MED24: variants seen among roughly 807,000 people sequenced by gnomAD.
The protein encoded by MED24 is mediator complex subunit 24.
A neutral mutation model predicts 118.8 loss-of-function variants in MED24; 74 were observed. The ratio of observed to expected loss-of-function variants is 0.62; its 90% CI spans 0.52 to 0.76. The LOEUF (loss-of-function observed/expected upper bound fraction) is 0.76. Ranked by LOEUF, MED24 falls within the 30% of genes least tolerant of loss-of-function variation. The pLI is 0.00. For synonymous variants in MED24, 521 were observed against 523.9 expected (o/e 0.99, Z 0.08); for missense variants, 1,041 against 1,278.9 (o/e 0.81, Z 2.84).
chr17:40,025,272 G>A (rs1019460017), intron 19 of MED24, among the ~76,000 whole-genome samples: 10 of 152,142 alleles, frequency 6.6e-5, no homozygotes, highest in Non-Finnish European at 1.5e-4. Context: ...CTCAAGGCCA[G>A]GAGTTCAAGA....
intron 13 of MED24, 131 bp from the exon 14 acceptor site, chr17:40,029,099 T>C: frequency 7.6e-7 from 1 of 1,311,026 alleles, no homozygotes; most frequent in Non-Finnish European, 1.0e-6. Flanking sequence ...ATCTGGAAAA[T>C]CATTCCTAAA....
intron 23 of MED24, 48 bp downstream of exon 23, chr17:40,021,907 G>C (rs759526797): frequency 7.3e-6 from 10 of 1,373,046 alleles, no homozygotes; most frequent in Non-Finnish European, 9.1e-6. Context: ...GCATCGGGGA[G>C]TGAATTCCCA....
intron 3 of MED24, among the ~76,000 whole-genome samples, chr17:40,047,945 G>T (rs1985425792): frequency 6.6e-6 from 1 of 152,152 alleles, no homozygotes; most frequent in Non-Finnish European, 1.5e-5. Context: ...GGTCAGGCTG[G>T]TCTTGAACTT....
chr17:40,033,036 A>C lies in MED24; in HGVS notation c.822+20T>G, dbSNP rs200445521. The C allele has an allele frequency of 6.2e-7, 1 of 1,612,870 alleles. No homozygotes were observed. The highest frequency in any genetic ancestry group is 1.3e-5 in the African/African-American group (1 of 75,004). On this transcript the variant is annotated intron_variant, in intron 8 of 25. Transcript: ENST00000394128. This position sits in a 1 kb window ranked among gnomAD's most constrained non-coding sequence, Gnocchi z 5.2. ...GGCTGGCCTGCCTTGGAGAAGGGAG[A>C]GCCACTCGGCCCCTCCCACCTGCAT... is the stretch of plus-strand genomic sequence containing the variant.
chr17:40,021,426 C>G (rs991903087), intron 23 of MED24: 1 of 152,584 alleles, frequency 6.6e-6, no homozygotes, highest in African/African-American at 2.4e-5. Context: ...AAAAATGCCA[C>G]AGAAGGAACC....
At position 40,026,956 on chromosome 17, in the gene MED24, C is replaced by T; in HGVS notation, c.1609G>A (p.Gly537Ser). The T allele has an allele frequency of 6.2e-7, 1 of 1,614,142 alleles. No individual in the cohort carries two copies. Residue 537 changes from glycine to serine, a missense_variant, in exon 17 of 26, where the codon GGC becomes AGC. Physicochemically the swap from Gly to Ser is moderately conservative, Grantham distance 56. Coordinates refer to ENST00000394128, the MANE Select transcript of MED24 (RefSeq NM_014815.4). ...TWMQTCMPEEGKILNPDHPCF... is the reference protein window; with the variant it reads ...TWMQTCMPEESKILNPDHPCF... ...GGGTGGTCAGGGTTCAGGATCTTGC[C>T]CTCCTCAGGCATGCAGGTCTGCATC... is the stretch of plus-strand genomic sequence containing the variant.
At chr17:40,034,126 G>A (rs557432625) in intron 6 of MED24, among the ~76,000 whole-genome samples, 4 of 152,094 alleles carry the variant, frequency 2.6e-5, no homozygotes, top group African/African-American at 9.7e-5. Flanking sequence ...ATTCCAGAGG[G>A]TCAAATGATG....
chr17:40,022,115 G>A (rs911222340), intron 22 of MED24, 61 bp from the exon 23 acceptor site: 2 of 1,337,338 alleles, frequency 1.5e-6, no homozygotes, highest in Admixed American at 2.2e-5. Flanking sequence ...AGCTGTCAGG[G>A]AAAAGAGCTT....
chr17:40,050,222 G>GC (rs1985690718), intron 3 of MED24, among the ~76,000 whole-genome samples: 1 of 142,820 alleles, frequency 7.0e-6, no homozygotes. Context: ...GCCGAGGTGA[G>GC]CGGATCACCT....
chr17:40,022,870 G>T, intron 20 of MED24, 44 bp from the exon 21 acceptor site: 1 of 1,597,744 alleles, frequency 6.3e-7, no homozygotes. Flanking sequence ...AGGGGCCCGG[G>T]ATCTGGGGCT....
rs117311510 is a variant in MED24 at position 40,032,450 on chromosome 17, A to G, written c.936+199T>C. The G allele has an allele frequency of 3.1e-3, 1,818 of 582,640 alleles. 87 individuals carry two copies. In the East Asian group the frequency reaches 0.052, roughly 17 times the overall value. The allele number at this position is 582,640 out of a possible 1,614,324, so 36.1% of individuals were successfully genotyped here. A position where few individuals can be genotyped will look rare whatever the true frequency, so the allele number is the denominator to read the frequency against. ...AGCTAAACTGCACCTCTGTGGTAAG[A>G]AACAACGGAGTCTGCCAAATGGGCT... On this transcript the variant is annotated intron_variant, in intron 9 of 25. Transcript: ENST00000394128.
chr17:40,044,326 C>G (rs1370911661), intron 3 of MED24, among the ~76,000 whole-genome samples: 1 of 151,668 alleles, frequency 6.6e-6, no homozygotes, highest in African/African-American at 2.4e-5. Context: ...TTGAGAACAG[C>G]CTCGCTAACA....
intron 11 of MED24, 71 bp from the exon 12 acceptor site, chr17:40,031,316 C>T (rs1308924172): frequency 3.9e-5 from 55 of 1,417,482 alleles, no homozygotes; most frequent in Non-Finnish European, 5.0e-5. Context: ...GTGGCAGGTC[C>T]CTGAGCAGCA....
At chr17:40,029,670 GTTTA>G (rs1983139982) in intron 13 of MED24, 74 bp downstream of exon 13, 2 of 1,391,858 alleles carry the variant, frequency 1.4e-6, no homozygotes, top group East Asian at 2.3e-5. Flanking sequence ...TGTGGCCTCT[GTTTA>G]TTTATCTGCA....
At chr17:40,029,373 T>A (rs758339666) in intron 13 of MED24, among the ~76,000 whole-genome samples, 6 of 152,154 alleles carry the variant, frequency 3.9e-5, no homozygotes, top group Non-Finnish European at 5.9e-5. Context: ...GAATTTTGTG[T>A]TTTTAGTAGA....
chr17:40,023,456 AG>A, intron 19 of MED24, 61 bp from the exon 20 acceptor site: 5 of 1,458,242 alleles, frequency 3.4e-6, no homozygotes, highest in Non-Finnish European at 4.6e-6. Flanking sequence ...GAGGGAGAGG[AG>A]GGAACACCCA....
intron 3 of MED24, among the ~76,000 whole-genome samples, chr17:40,042,397 G>A (rs550766815): frequency 7.9e-5 from 12 of 152,278 alleles, no homozygotes; most frequent in Middle Eastern, 3.4e-3. Flanking sequence ...GAAAGAGGCC[G>A]GGCGCAGTGG....
intron 13 of MED24, 82 bp downstream of exon 13, chr17:40,029,666 C>T (rs1019087091): frequency 2.2e-6 from 3 of 1,342,558 alleles, no homozygotes; most frequent in Non-Finnish European, 3.2e-6. Context: ...GGTCTGTGGC[C>T]TCTGTTTATT....
At chr17:40,046,741 G>A (rs1230838243) in intron 3 of MED24, among the ~76,000 whole-genome samples, 2 of 146,144 alleles carry the variant, frequency 1.4e-5, no homozygotes, top group African/African-American at 2.7e-5. Flanking sequence ...GCGAGACTCC[G>A]TCTCAAAAAA....
Sources: gnomAD v4.1 joint callset for allele counts (sites outside exome capture counted in the v4.1 genomes callset) on GRCh38, gnomAD v4.1.1 for gene constraint, Gnocchi (gnomAD v3.1) non-coding constraint, MANE v1.5 for transcripts, NCBI Gene and HGNC (gene_info 2026-07-23, HGNC 2026-07-21) for gene names.